RBFOX1: variants seen among roughly 807,000 people sequenced by gnomAD.
RBFOX1 encodes RNA binding protein fox-1 homolog 1.
In RBFOX1, 8 loss-of-function variants were observed where a neutral mutation model predicts 57.7. That is an observed-to-expected ratio of 0.14 (90% CI 0.08 to 0.25). The LOEUF is 0.25. Ranked by LOEUF, RBFOX1 falls within the 10% of genes least tolerant of loss-of-function variation. The probability of loss-of-function intolerance (pLI) is 1.00; values close to 1 mark genes in which losing one functional copy is unlikely to be tolerated. For synonymous variants in RBFOX1, 326 were observed against 222.4 expected, an observed-to-expected ratio of 1.47 and a Z score of -4.15; for missense variants, 611 against 548.5, an observed-to-expected ratio of 1.11 and a Z score of -1.14.
chr16:7,472,848 G>A (rs2061818842), intron 4 of RBFOX1, among the ~76,000 whole-genome samples: 1 of 152,194 alleles, frequency 6.6e-6, no homozygotes, highest in African/African-American at 2.4e-5. Context: ...AGGATAGGAT[G>A]AATTCATGGA....
chr16:5,382,138 T>C (rs1292094360), intron 1 of RBFOX1, among the ~76,000 whole-genome samples: 1 of 152,242 alleles, frequency 6.6e-6, no homozygotes, highest in Non-Finnish European at 1.5e-5. Context: ...GCAGTCTGTT[T>C]TTCCAGGCTT....
At chr16:7,262,287 G>T (rs1386624327) in intron 4 of RBFOX1, among the ~76,000 whole-genome samples, 2 of 148,900 alleles carry the variant, frequency 1.3e-5, no homozygotes, top group Middle Eastern at 3.8e-3. Context: ...CTAATATTCT[G>T]TCTTTTCCTG....
intron 4 of RBFOX1, among the ~76,000 whole-genome samples, chr16:5,873,347 A>T (rs915779420): frequency 1.3e-5 from 2 of 152,116 alleles, no homozygotes; most frequent in Admixed American, 1.3e-4. Context: ...TCTTGTCTCC[A>T]CCCAAGGACA....
At chr16:6,749,525 A>C (rs559548181) in intron 3 of RBFOX1, among the ~76,000 whole-genome samples, 1 of 152,270 alleles carries the variant, frequency 6.6e-6, no homozygotes, top group East Asian at 1.9e-4. Context: ...GGGGATTTGA[A>C]CTAACCTGCC....
At chr16:7,539,615 A>C (rs2082380146) in intron 5 of RBFOX1, among the ~76,000 whole-genome samples, 1 of 152,222 alleles carries the variant, frequency 6.6e-6, no homozygotes, top group African/African-American at 2.4e-5. Context: ...CATAGAGGTG[A>C]TGCCACCAGG....
intron 3 of RBFOX1, among the ~76,000 whole-genome samples, chr16:6,984,471 A>G (rs2089765543): frequency 1.3e-5 from 2 of 152,216 alleles, no homozygotes; most frequent in South Asian, 4.2e-4. Flanking sequence ...GGATGAAGCC[A>G]CTGTTAGGCA....
chr16:6,783,223 G>T (rs1231957801), intron 3 of RBFOX1, among the ~76,000 whole-genome samples: 1 of 151,248 alleles, frequency 6.6e-6, no homozygotes, highest in Admixed American at 6.6e-5. Flanking sequence ...AATGAAGTCC[G>T]TTTACACTCA....
At chr16:6,678,669 A>G (rs1489056669) in intron 3 of RBFOX1, among the ~76,000 whole-genome samples, 1 of 151,688 alleles carries the variant, frequency 6.6e-6, no homozygotes, top group Non-Finnish European at 1.5e-5. Flanking sequence ...AAGACACAAG[A>G]TACACAGAAC....
chr16:6,285,222 A>C (rs2076778256), intron 1 of RBFOX1, among the ~76,000 whole-genome samples: 1 of 152,208 alleles, frequency 6.6e-6, no homozygotes, highest in African/African-American at 2.4e-5. Flanking sequence ...AATTCCAGAT[A>C]CTAAATATGT....
intron 3 of RBFOX1, among the ~76,000 whole-genome samples, chr16:6,789,931 A>G (rs1849663994): frequency 6.6e-6 from 1 of 151,728 alleles, no homozygotes. Flanking sequence ...ATCTATAATT[A>G]TTCTCTTCCC....
At chr16:7,080,970 T>G (rs2059104823) in intron 4 of RBFOX1, among the ~76,000 whole-genome samples, 1 of 152,224 alleles carries the variant, frequency 6.6e-6, no homozygotes, top group Non-Finnish European at 1.5e-5. Context: ...AAGCTCTGCA[T>G]GAACTGGTCT....
At chr16:6,159,217 T>C (rs1395081338) in intron 1 of RBFOX1, among the ~76,000 whole-genome samples, 2 of 152,046 alleles carry the variant, frequency 1.3e-5, no homozygotes, top group Non-Finnish European at 2.9e-5. Flanking sequence ...GATGGGTCTA[T>C]AGACGCACAC....
At chr16:7,161,029 G>C (rs1001097676) in intron 4 of RBFOX1, among the ~76,000 whole-genome samples, 3 of 151,994 alleles carry the variant, frequency 2.0e-5, no homozygotes. Context: ...TCCATTTGTT[G>C]TCAGTGTTTT....
intron 4 of RBFOX1, among the ~76,000 whole-genome samples, chr16:7,055,791 C>T (rs12446678): frequency 0.15 from 22,786 of 152,014 alleles, 1,857 homozygotes; most frequent in African/African-American, 0.21. Flanking sequence ...GTGTTGTTAC[C>T]CAATGGAGTC....
intron 3 of RBFOX1, among the ~76,000 whole-genome samples, chr16:5,792,854 T>C (rs1334617334): frequency 6.6e-6 from 1 of 151,884 alleles, no homozygotes; most frequent in Admixed American, 6.6e-5. Context: ...AAAAAAAAAA[T>C]CATGAAGATA....
intron 4 of RBFOX1, among the ~76,000 whole-genome samples, chr16:7,208,106 G>A (rs1387473169): frequency 3.9e-5 from 6 of 152,192 alleles, no homozygotes; most frequent in African/African-American, 1.4e-4. Context: ...GTGGTTACAG[G>A]AAAAGCTGGA....
At chr16:7,278,801 C>T (rs1171851093) in intron 4 of RBFOX1, among the ~76,000 whole-genome samples, 1 of 152,202 alleles carries the variant, frequency 6.6e-6, no homozygotes, top group African/African-American at 2.4e-5. Context: ...CACTGATATT[C>T]ATTCTGAAGA....
At chr16:6,824,646 C>T (rs147999790) in intron 3 of RBFOX1, among the ~76,000 whole-genome samples, 1 of 152,194 alleles carries the variant, frequency 6.6e-6, no homozygotes, top group African/African-American at 2.4e-5. Context: ...CATTCCTTAT[C>T]AAAAGAGGTT....
intron 2 of RBFOX1, among the ~76,000 whole-genome samples, chr16:6,626,248 A>C (rs112178280): frequency 2.0e-4 from 31 of 152,070 alleles, no homozygotes; most frequent in African/African-American, 6.8e-4. Flanking sequence ...CTGTTCAACA[A>C]ATGTTGCCCG....
Sources: allele counts gnomAD v4.1 joint callset (sites outside exome capture counted in the v4.1 genomes callset), GRCh38; gene constraint gnomAD v4.1.1; transcripts MANE v1.5; gene names NCBI Gene and HGNC (gene_info 2026-07-23, HGNC 2026-07-21).